The following TET2 variants were observed in gnomAD, a reference collection of about 807,000 sequenced individuals.
TET2 encodes methylcytosine dioxygenase TET2.
In TET2, 299 loss-of-function variants were observed where a neutral mutation model predicts 142.9. The observed-to-expected ratio is 2.09, with a 90% CI of 1.90 to 2.30. The LOEUF is 2.30. Ranked by LOEUF, TET2 falls within the 30% of genes most tolerant of loss-of-function variation. TET2 has a pLI of 0.00. For synonymous variants in TET2, 819 were observed against 849.0 expected, an observed-to-expected ratio of 0.96 and a Z score of 0.61; for missense variants, 2,418 against 2,378.0, an observed-to-expected ratio of 1.02 and a Z score of -0.35.
In TET2 at chr4:105,234,732, A is replaced by T; in HGVS notation, c.790A>T (p.Ile264Phe). 1 of 1,614,042 alleles carries T rather than the reference A, an allele frequency of 6.2e-7. No individual in the cohort carries two copies. The highest frequency in any genetic ancestry group is 8.5e-7 in the Non-Finnish European group (1 of 1,180,014). ...SQATNELSCE[I>F]THPSHTSGQI... ...GGCTACTAATGAGTTGTCCTGTGAG[A>T]TCACTCACCCATCGCATACCTCAGG... is the stretch of plus-strand genomic sequence containing the variant. Residue 264 changes from isoleucine to phenylalanine, a missense_variant, in exon 3 of 11, where the codon ATC (isoleucine) becomes TTC (phenylalanine). Transcript: ENST00000380013.
chr4:105,240,356 A>T (rs1729225777), intron 3 of TET2: 2 of 1,069,028 alleles, frequency 1.9e-6, no homozygotes, highest in East Asian at 5.3e-5. Context: ...AAAATTCAGG[A>T]TATGTAATAG....
In TET2 at chr4:105,275,474, C is replaced by T. The variant is rs372419310; in HGVS notation, c.4964C>T (p.Pro1655Leu). The T allele has an allele frequency of 3.0e-5, 46 of 1,551,544 alleles. No homozygotes were observed. Among genetic ancestry groups the T allele is most frequent in the South Asian group, 2.7e-4 (23 of 84,060 alleles). The change falls in exon 11 of 11, where the codon CCG becomes CTG. Residue 1655 changes from proline to leucine, a missense_variant. Coordinates refer to ENST00000380013, the MANE Select transcript of TET2 (RefSeq NM_001127208.3). The part of the protein sequence containing the change: ...YLGSYSPQSQ[P>L]MDLYRYPSQD... ...GGTTCCTATTCTCCCCAGTCTCAGC[C>T]GATGGATCTGTATAGGTATCCAAGC...
Position 105,236,796 on chromosome 4 carries a change from C to T in TET2, c.2854C>T (p.Leu952=), listed in dbSNP as rs780809582. The T allele has an allele frequency of 3.6e-5, 58 of 1,614,000 alleles. No individual in the cohort carries two copies. In the South Asian group the frequency reaches 6.0e-4, roughly 17 times the overall value. ...GAAGGACACTCAAAAGCATGCTGCT[C>T]TAAGGTGGCATCTCTTACAGAAGCA... ...PQKDTQKHAA[L]RWHLLQKQEQ... is the part of the protein sequence containing the mutation. Residue 952 remains leucine, a synonymous_variant, in exon 3 of 11, where the codon CTA becomes TTA. Transcript: ENST00000380013.
At chr4:105,182,672 T>G (rs1272571826) in intron 1 of TET2, among the ~76,000 whole-genome samples, 2 of 152,226 alleles carry the variant, frequency 1.3e-5, no homozygotes, top group Non-Finnish European at 2.9e-5. Context: ...AAAAATTTCC[T>G]TGTTTCAATT....
At chr4:105,232,066 C>T (rs1024305867) in intron 2 of TET2, among the ~76,000 whole-genome samples, 1 of 152,134 alleles carries the variant, frequency 6.6e-6, no homozygotes, top group Non-Finnish European at 1.5e-5. Flanking sequence ...GTTGTTCCCC[C>T]TCTTTGTGTC....
Position 105,234,356 on chromosome 4 carries a change from A to G in TET2, c.414A>G (p.Gln138=), listed in dbSNP as rs554947036. Residue 138 remains glutamine (Q), a synonymous_variant, in exon 3 of 11, where the codon CAA becomes CAG. Transcript: ENST00000380013. ...AAAGAAATCCAGGTGAAAGCAGTCA[A>G]CCAAATGTCTCCGATTTGAGTGATA... ...SQERNPGESS[Q]PNVSDLSDKK... is the part of the protein sequence containing the mutation. 4.0e-5 allele frequency: 65 copies of G among 1,614,102 alleles called. No homozygotes were observed. In the South Asian group the frequency reaches 6.9e-4, roughly 17 times the overall value.
rs1731290892 is a variant in TET2 at position 105,277,870 on chromosome 4, C to T, written c.*1351C>T. 1 of 222,732 alleles carries T rather than the reference C, an allele frequency of 4.5e-6. No homozygotes were observed. The highest frequency in any genetic ancestry group is 9.0e-6 in the Non-Finnish European group (1 of 111,678). The allele number at this position is 222,732 out of a possible 1,614,324, so 13.8% of individuals were successfully genotyped here. A position where few individuals can be genotyped will look rare whatever the true frequency, so the allele number is the denominator to read the frequency against. ...ATAGGCTCTTCAGAGAACTGAATGG[C>T]AGTCTGCCTTTGTGTTGATAATTAT... On this transcript the variant is annotated 3_prime_UTR_variant, in exon 11 of 11. Transcript: ENST00000380013.
At chr4:105,221,838 G>T (rs1354054453) in intron 2 of TET2, among the ~76,000 whole-genome samples, 1 of 151,530 alleles carries the variant, frequency 6.6e-6, no homozygotes, top group South Asian at 2.1e-4. Context: ...AGCATTAGGT[G>T]TATCTCCCAA....
intron 2 of TET2, chr4:105,202,654 A>G (rs2110516358): frequency 6.6e-6 from 1 of 152,274 alleles, no homozygotes; most frequent in Non-Finnish European, 1.5e-5. Context: ...TCTCTTCTAA[A>G]TGACACTTAG....
chr4:105,278,203 T>TATATATATATATATATATATATATATATA lies in TET2; in HGVS notation c.*1684_*1685insATATATATATATATATATATATATATATA, dbSNP rs1553918861. The TATATATATATATATATATATATATATATA allele has an allele frequency of 2.5e-5, 4 of 159,046 alleles. No individual in the cohort carries two copies. Among genetic ancestry groups the TATATATATATATATATATATATATATATA allele is most frequent in the African/African-American group, 5.4e-5 (2 of 37,118 alleles). 9.9% of individuals were successfully genotyped at this position (159,046 alleles called of 1,614,324 possible). The stretch of plus-strand genomic sequence containing the variant: ...ATATATATATATATATATATATATA[T>TATATATATATATATATATATATATATATA]GAGTTTGAAGCAGAATTCACATCAT... On this transcript the variant is annotated 3_prime_UTR_variant, in exon 11 of 11. Transcript: ENST00000380013.
chr4:105,149,772 G>A (rs1297650312), intron 1 of TET2, among the ~76,000 whole-genome samples: 4 of 152,142 alleles, frequency 2.6e-5, no homozygotes, highest in African/African-American at 9.7e-5. Flanking sequence ...GCTTTAATTA[G>A]GTCTGATGTG....
intron 8 of TET2, among the ~76,000 whole-genome samples, chr4:105,269,237 A>G (rs1730831280): frequency 6.6e-6 from 1 of 152,186 alleles, no homozygotes; most frequent in South Asian, 2.1e-4. Flanking sequence ...AAATAAATCC[A>G]TTTATATGAA....
At chr4:105,188,904 G>T (rs1363206926) in intron 1 of TET2, among the ~76,000 whole-genome samples, 4 of 152,008 alleles carry the variant, frequency 2.6e-5, no homozygotes, top group Admixed American at 2.0e-4. Flanking sequence ...GGGGCGAGGG[G>T]GACAGAGTGA....
At chr4:105,190,334 A>T (rs1453939825) in intron 1 of TET2, 26 bp from the exon 2 acceptor site, 1 of 626,418 alleles carries the variant, frequency 1.6e-6, no homozygotes, top group East Asian at 2.7e-5. Context: ...GCTAACTTAA[A>T]AATGTTCAAA....
intron 2 of TET2, among the ~76,000 whole-genome samples, chr4:105,210,408 C>G (rs1262004941): frequency 6.6e-6 from 1 of 152,076 alleles, no homozygotes; most frequent in Admixed American, 6.6e-5. Flanking sequence ...TCCAACTGTA[C>G]TCTTACTTGG....
At chr4:105,163,023 GAAA>G (rs1299995302) in intron 1 of TET2, among the ~76,000 whole-genome samples, 2 of 151,402 alleles carry the variant, frequency 1.3e-5, no homozygotes, top group Non-Finnish European at 2.9e-5. Flanking sequence ...AAAAGGATGA[GAAA>G]AAAAAGTAAA....
Position 105,275,978 on chromosome 4 carries a change from A to G in TET2, c.5468A>G (p.Asn1823Ser). Residue 1823 changes from asparagine (N) to serine (S), a missense_variant, in exon 11 of 11, where the codon AAT (asparagine) becomes AGT (serine). Coordinates refer to ENST00000380013, the MANE Select transcript of TET2 (RefSeq NM_001127208.3). ...QGGLHKLSDA[N>S]GQEKQPLALV... ...GGCTTACACAAATTAAGTGATGCTA[A>G]TGGTCAGGAAAAGCAGCCATTGGCA... The G allele has an allele frequency of 6.4e-7, 1 of 1,551,718 alleles. No individual in the cohort carries two copies.
intron 9 of TET2, among the ~76,000 whole-genome samples, chr4:105,270,663 A>G (rs544262436): frequency 3.6e-5 from 4 of 110,044 alleles, no homozygotes; most frequent in African/African-American, 1.6e-4. Context: ...TGAGGGGAAA[A>G]TAGATACATG....
rs1727738618 is a variant in TET2 at position 105,220,260 on chromosome 4, A to G, written c.-46-13637A>G. ...TATTGGAAAAATCATACCTCCGTAT[A>G]TAAAAATGAAAGTATTTTTTTTCTA... On this transcript the variant is annotated intron_variant, in intron 2 of 10. Coordinates refer to ENST00000380013, the MANE Select transcript of TET2 (RefSeq NM_001127208.3). Among the ~76,000 whole-genome samples, 4 of 152,308 alleles carry G rather than the reference A, an allele frequency of 2.6e-5. No individual in the cohort carries two copies. In the South Asian group the frequency reaches 8.3e-4, roughly 32 times the overall value.
Sources: gnomAD v4.1 joint callset for allele counts (sites outside exome capture counted in the v4.1 genomes callset) on GRCh38, gnomAD v4.1.1 for gene constraint, MANE v1.5 for transcripts, NCBI Gene and HGNC (gene_info 2026-07-23, HGNC 2026-07-21) for gene names.